Variants in MEF2C observed in about 807,000 individuals in gnomAD.
MEF2C encodes myocyte enhancer factor 2C, also known as myocyte-specific enhancer factor 2C.
Under a neutral mutation model 50.5 loss-of-function variants are expected in MEF2C, and 6 were observed. The observed-to-expected ratio is 0.12, with a 90% CI of 0.07 to 0.23. MEF2C has a LOEUF of 0.23. Among genes scored for constraint, MEF2C ranks in the 10% least tolerant of loss-of-function variants. The pLI, the probability that MEF2C is intolerant of heterozygous loss-of-function variation, is 1.00. For missense variants in MEF2C, 276 were observed against 605.0 expected, an observed-to-expected ratio of 0.46 and a Z score of 5.70; for synonymous variants, 183 against 228.0, an observed-to-expected ratio of 0.80 and a Z score of 1.78.
intron 1 of MEF2C, among the ~76,000 whole-genome samples, chr5:88,898,831 C>T (rs888586376): frequency 6.6e-6 from 1 of 152,138 alleles, no homozygotes; most frequent in African/African-American, 2.4e-5. Context: ...AACTCCCCAG[C>T]TGTATTTATC....
At chr5:88,778,075 TG>T (rs1423267598) in intron 3 of MEF2C, among the ~76,000 whole-genome samples, 1 of 150,958 alleles carries the variant, frequency 6.6e-6, no homozygotes, top group Non-Finnish European at 1.5e-5. Context: ...CGGCTAATTT[TG>T]TTTTTGTATT....
intron 10 of MEF2C, among the ~76,000 whole-genome samples, chr5:88,723,681 A>G (rs1240916533): frequency 2.6e-5 from 4 of 152,246 alleles, no homozygotes; most frequent in African/African-American, 7.2e-5. Flanking sequence ...GTGTTCCACA[A>G]TGACCTCAAT....
intron 1 of MEF2C, among the ~76,000 whole-genome samples, chr5:88,882,204 G>T (rs754105989): frequency 6.6e-6 from 1 of 152,076 alleles, no homozygotes; most frequent in African/African-American, 2.4e-5. Context: ...CTTTATCATC[G>T]AGTTTGGTAA....
At chr5:88,779,909 C>T (rs1331988629) in intron 3 of MEF2C, among the ~76,000 whole-genome samples, 1 of 151,932 alleles carries the variant, frequency 6.6e-6, no homozygotes, top group Non-Finnish European at 1.5e-5. Flanking sequence ...CTTTGGGAGG[C>T]CAAGGCGGGT....
At chr5:88,767,800 A>G (rs190199950) in intron 3 of MEF2C, among the ~76,000 whole-genome samples, 188 of 152,338 alleles carry the variant, frequency 1.2e-3, no homozygotes, top group African/African-American at 4.4e-3. Flanking sequence ...CTTTTCATGT[A>G]TTGAACACAA....
intron 6 of MEF2C, chr5:88,738,338 C>G (rs889166965): frequency 1.6e-5 from 16 of 985,224 alleles, no homozygotes; most frequent in Non-Finnish European, 1.8e-5. Context: ...ATTAAGCATA[C>G]ACATTAACTG....
chr5:88,741,202 A>T (rs941073429), intron 6 of MEF2C: 35 of 985,428 alleles, frequency 3.6e-5, no homozygotes, highest in Non-Finnish European at 4.2e-5. Context: ...CATAAATACT[A>T]CTGGAACTGC....
At chr5:88,853,337 C>T (rs749957162) in intron 1 of MEF2C, among the ~76,000 whole-genome samples, 35 of 152,124 alleles carry the variant, frequency 2.3e-4, no homozygotes, top group Admixed American at 3.9e-4. Context: ...TACGTTTAAA[C>T]AAGAGTTGAT....
At chr5:88,729,983 A>G (rs183504278) in intron 8 of MEF2C, among the ~76,000 whole-genome samples, 126 of 152,134 alleles carry the variant, frequency 8.3e-4, no homozygotes, top group Non-Finnish European at 1.4e-3. Context: ...TTTGAATTTT[A>G]CTATAAATTG....
intron 6 of MEF2C, chr5:88,734,840 A>C: frequency 2.1e-6 from 2 of 975,080 alleles, no homozygotes; most frequent in South Asian, 9.5e-5. Flanking sequence ...ACATATTTTA[A>C]GGTGTTTACA....
At chr5:88,824,412 A>G in intron 1 of MEF2C, 1 of 922,280 alleles carries the variant, frequency 1.1e-6, no homozygotes, top group Non-Finnish European at 1.3e-6. Context: ...AATAGGATGG[A>G]CGATTATGAA....
intron 6 of MEF2C, chr5:88,740,537 T>C (rs554295192): frequency 2.0e-6 from 2 of 983,314 alleles, no homozygotes; most frequent in South Asian, 9.4e-5. Context: ...GAGATCACCC[T>C]GTCAGCAAGG....
chr5:88,829,281 C>T (rs1282738586), intron 1 of MEF2C, among the ~76,000 whole-genome samples: 1 of 151,944 alleles, frequency 6.6e-6, no homozygotes, highest in Non-Finnish European at 1.5e-5. Context: ...GACTTCTCCT[C>T]CCTTCTGTCT....
At chr5:88,748,971 T>C in intron 6 of MEF2C, 99 bp downstream of exon 6, 1 of 1,545,708 alleles carries the variant, frequency 6.5e-7, no homozygotes, top group Non-Finnish European at 8.7e-7. Flanking sequence ...CTCTCACAGA[T>C]CTCTTAACTT....
At chr5:88,727,350 G>A (rs1759307777) in intron 10 of MEF2C, among the ~76,000 whole-genome samples, 1 of 152,048 alleles carries the variant, frequency 6.6e-6, no homozygotes, top group Non-Finnish European at 1.5e-5. Flanking sequence ...GTGATTAGCG[G>A]GTAGGATGAA....
At chr5:88,762,846 C>T (rs1373300410) in intron 3 of MEF2C, among the ~76,000 whole-genome samples, 38 of 152,100 alleles carry the variant, frequency 2.5e-4, no homozygotes, top group Admixed American at 2.4e-3. Flanking sequence ...AAAGCAAAAG[C>T]TGTGACATCA....
chr5:88,732,949 T>C (rs1333706322), intron 6 of MEF2C: 1 of 331,638 alleles, frequency 3.0e-6, no homozygotes, highest in Non-Finnish European at 4.3e-6. Flanking sequence ...CTATTACCCC[T>C]GCATGAGTGA....
At chr5:88,807,566 T>G (rs576061235) in intron 2 of MEF2C, among the ~76,000 whole-genome samples, 40 of 152,334 alleles carry the variant, frequency 2.6e-4, no homozygotes, top group Non-Finnish European at 4.9e-4. Context: ...AGTTTGATTT[T>G]TCACATTTGT....
chr5:88,859,727 T>C (rs1401237894), intron 1 of MEF2C, among the ~76,000 whole-genome samples: 1 of 152,240 alleles, frequency 6.6e-6, no homozygotes, highest in Non-Finnish European at 1.5e-5. Context: ...TTTGCAGACA[T>C]GACAGATGTA....
Sources: gnomAD v4.1 joint callset for allele counts (sites outside exome capture counted in the v4.1 genomes callset) on GRCh38, gnomAD v4.1.1 for gene constraint, MANE v1.5 for transcripts, NCBI Gene and HGNC (gene_info 2026-07-23, HGNC 2026-07-21) for gene names.